Variants in ZNF136 observed in about 807,000 individuals in gnomAD.
The protein encoded by ZNF136 is zinc finger protein 136.
ZNF136 carries 8 observed loss-of-function variants against 11.4 expected under a neutral mutation model. The ratio of observed to expected loss-of-function variants is 0.70; its 90% CI spans 0.41 to 1.27. The LOEUF (loss-of-function observed/expected upper bound fraction) is 1.27, where lower values mean the gene tolerates loss of function less well. Among genes scored for constraint, ZNF136 ranks in the 50% most tolerant of loss-of-function variants. The probability of loss-of-function intolerance (pLI) is 0.01; values close to 1 mark genes in which losing one functional copy is unlikely to be tolerated. For synonymous variants in ZNF136, 190 were observed against 207.1 expected (o/e 0.92, Z 0.71); for missense variants, 590 against 656.5 (o/e 0.90, Z 1.11).
chr19:12,167,406 C>G (rs1164769828), intron 1 of ZNF136, among the ~76,000 whole-genome samples: 1 of 152,138 alleles, frequency 6.6e-6, no homozygotes, highest in African/African-American at 2.4e-5. Flanking sequence ...CAAAACTGTT[C>G]AGCTAATGTT....
chr19:12,183,123 T>C (rs1368051534), intron 1 of ZNF136, among the ~76,000 whole-genome samples: 1 of 151,910 alleles, frequency 6.6e-6, no homozygotes, highest in Non-Finnish European at 1.5e-5. Flanking sequence ...TTTTTTGTGA[T>C]TTTGTTGTTG....
chr19:12,185,621 C>G, intron 1 of ZNF136, 164 bp from the exon 2 acceptor site: 1 of 821,792 alleles, frequency 1.2e-6, no homozygotes, highest in Non-Finnish European at 1.8e-6. Flanking sequence ...TAGTTCCATT[C>G]TAGTATGAGA....
At chr19:12,180,892 T>C (rs1914922730) in intron 1 of ZNF136, among the ~76,000 whole-genome samples, 1 of 152,230 alleles carries the variant, frequency 6.6e-6, no homozygotes, top group South Asian at 2.1e-4. Context: ...TAGAACCACG[T>C]TGGATCCCTG....
intron 1 of ZNF136, among the ~76,000 whole-genome samples, chr19:12,172,179 C>A (rs1270066316): frequency 6.6e-6 from 1 of 151,782 alleles, no homozygotes; most frequent in Non-Finnish European, 1.5e-5. Context: ...GGGTTCCTGA[C>A]CTCAAGTGAT....
At chr19:12,177,845 T>G (rs1037273061) in intron 1 of ZNF136, among the ~76,000 whole-genome samples, 1 of 152,234 alleles carries the variant, frequency 6.6e-6, no homozygotes, top group Non-Finnish European at 1.5e-5. Context: ...CAGTGGCTCA[T>G]GCCTATAATC....
intron 1 of ZNF136, among the ~76,000 whole-genome samples, chr19:12,169,925 G>GC (rs1364294791): frequency 1.3e-5 from 2 of 152,160 alleles, no homozygotes; most frequent in Non-Finnish European, 2.9e-5. Context: ...CTCCCAAGTA[G>GC]CTGGGACTAC....
chr19:12,176,155 A>G (rs1599455727), intron 1 of ZNF136, among the ~76,000 whole-genome samples: 1 of 152,076 alleles, frequency 6.6e-6, no homozygotes, highest in Non-Finnish European at 1.5e-5. Flanking sequence ...GTTTGCCTGG[A>G]CCTAAATTTT....
intron 1 of ZNF136, among the ~76,000 whole-genome samples, chr19:12,181,433 C>A (rs1914938368): frequency 6.6e-6 from 1 of 151,936 alleles, no homozygotes; most frequent in South Asian, 2.1e-4. Flanking sequence ...ACAGTGTTAT[C>A]AACTATTTGG....
At chr19:12,173,607 TTGTAGCCTTTAA>T (rs1914714949) in intron 1 of ZNF136, among the ~76,000 whole-genome samples, 1 of 152,188 alleles carries the variant, frequency 6.6e-6, no homozygotes, top group African/African-American at 2.4e-5. Flanking sequence ...GGCTGTTTAT[TTGTAGCCTTTAA>T]AATAGCCTTT....
At chr19:12,165,514 C>A (rs1270171999) in intron 1 of ZNF136, among the ~76,000 whole-genome samples, 1 of 152,192 alleles carries the variant, frequency 6.6e-6, no homozygotes, top group Non-Finnish European at 1.5e-5. Context: ...TTTAAAAATT[C>A]TTATTTTCAA....
chr19:12,177,805 T>A (rs1433430755), intron 1 of ZNF136, among the ~76,000 whole-genome samples: 1 of 152,230 alleles, frequency 6.6e-6, no homozygotes, highest in Non-Finnish European at 1.5e-5. Context: ...TTTAGATCCT[T>A]TGCCCATTTG....
intron 1 of ZNF136, among the ~76,000 whole-genome samples, chr19:12,182,819 G>A (rs1428305359): frequency 1.3e-5 from 2 of 152,080 alleles, no homozygotes; most frequent in African/African-American, 4.8e-5. Context: ...CAGGATGGGG[G>A]TTGGGGGGAT....
At chr19:12,166,921 T>A (rs936037158) in intron 1 of ZNF136, among the ~76,000 whole-genome samples, 5 of 152,112 alleles carry the variant, frequency 3.3e-5, no homozygotes, top group Non-Finnish European at 7.4e-5. Flanking sequence ...CTGAGGCCAA[T>A]CCAAAGGAGT....
Position 12,187,609 on chromosome 19 carries a change from G to C in ZNF136, c.1231G>C (p.Glu411Gln), listed in dbSNP as rs764011464. The change falls in exon 4 of 4, where the codon GAA (glutamate) becomes CAA (glutamine). Residue 411 changes from glutamate (E) to glutamine (Q), a missense_variant. Physicochemically the swap from Glu to Gln is conservative, Grantham distance 29. Transcript: ENST00000343979. ...TTCTCTGAGTCCATTTCGAATACAT[G>C]AAAGAACTCACACTGGAGAGAAACC... ...FHSLSPFRIHERTHTGEKPYV... is the reference protein window; with the variant it reads ...FHSLSPFRIHQRTHTGEKPYV... 2.5e-6 allele frequency: 4 copies of C among 1,614,114 alleles called. No individual in the cohort carries two copies. In the Admixed American group the frequency reaches 6.7e-5, roughly 27 times the overall value.
At chr19:12,170,253 G>T (rs973082543) in intron 1 of ZNF136, among the ~76,000 whole-genome samples, 1 of 152,148 alleles carries the variant, frequency 6.6e-6, no homozygotes, top group Non-Finnish European at 1.5e-5. Flanking sequence ...GCCTCAGTCC[G>T]TTGCACACAT....
At chr19:12,186,312 C>T in intron 3 of ZNF136, 138 bp downstream of exon 3, 3 of 967,416 alleles carry the variant, frequency 3.1e-6, no homozygotes, top group Non-Finnish European at 4.5e-6. Context: ...AATACATATT[C>T]TTCAGTGTAA....
At chr19:12,181,013 T>A (rs867777720) in intron 1 of ZNF136, among the ~76,000 whole-genome samples, 1 of 152,330 alleles carries the variant, frequency 6.6e-6, no homozygotes. Flanking sequence ...CAGGCGCGCC[T>A]CAGAGCCCTG....
At chr19:12,164,278 T>G (rs1977153537) in intron 1 of ZNF136, among the ~76,000 whole-genome samples, 1 of 151,920 alleles carries the variant, frequency 6.6e-6, no homozygotes, top group African/African-American at 2.4e-5. Flanking sequence ...AAAAGAAAAT[T>G]TTTTGTGTGT....
Position 12,189,505 on chromosome 19 carries a change from GCCA to G in ZNF136, c.*1509_*1511del, listed in dbSNP as rs1915202247. On this transcript the variant is annotated 3_prime_UTR_variant, in exon 4 of 4. Coordinates refer to ENST00000343979, the MANE Select transcript of ZNF136 (RefSeq NM_003437.5). ...TAGGAAGCTGGGACTACAGGCATGT[GCCA>G]CCACACCTGGCTAATTTTTTGTATT... is the stretch of plus-strand genomic sequence containing the variant. 2 of 152,038 alleles carry G rather than the reference GCCA, an allele frequency of 1.3e-5. No individual in the cohort carries two copies. Among genetic ancestry groups the G allele is most frequent in the Non-Finnish European group, 2.9e-5 (2 of 68,046 alleles). The allele number at this position is 152,038 out of a possible 1,614,324, so 9.4% of individuals were successfully genotyped here.
Sources: gnomAD v4.1 joint callset for allele counts (sites outside exome capture counted in the v4.1 genomes callset) on GRCh38, gnomAD v4.1.1 for gene constraint, MANE v1.5 for transcripts, NCBI Gene and HGNC (gene_info 2026-07-23, HGNC 2026-07-21) for gene names.